GLG1: variants seen among roughly 807,000 people sequenced by gnomAD.
GLG1 encodes golgi glycoprotein 1, also known as Golgi apparatus protein 1.
A neutral mutation model predicts 160.5 loss-of-function variants in GLG1; 38 were observed. The observed-to-expected ratio is 0.24, with a 90% CI of 0.18 to 0.31. GLG1 has a LOEUF of 0.31. Ranked by LOEUF, GLG1 falls within the 10% of genes least tolerant of loss-of-function variation. GLG1 has a pLI of 1.00. For synonymous variants in GLG1, 644 were observed against 543.4 expected, an observed-to-expected ratio of 1.19 and a Z score of -2.57; for missense variants, 1,373 against 1,505.2, an observed-to-expected ratio of 0.91 and a Z score of 1.45.
intron 1 of GLG1, among the ~76,000 whole-genome samples, chr16:74,598,728 A>G (rs1413057696): frequency 6.6e-6 from 1 of 150,484 alleles, no homozygotes; most frequent in Non-Finnish European, 1.5e-5. Context: ...CCTCGTCTCT[A>G]CAAAAATTAG....
intron 3 of GLG1, among the ~76,000 whole-genome samples, chr16:74,505,727 C>T (rs1429482077): frequency 2.6e-5 from 4 of 152,136 alleles, no homozygotes; most frequent in African/African-American, 9.7e-5. Context: ...TGGCGGCGTG[C>T]GCCTGTAGTC....
chr16:74,452,149 G>A lies in GLG1; in HGVS notation c.*1018C>T. On this transcript the variant is annotated 3_prime_UTR_variant, in exon 26 of 26. Coordinates refer to ENST00000422840, the MANE Select transcript of GLG1 (RefSeq NM_001145667.2). Reference sequence around the variant, plus strand: ...ATTGTAGCCTGAAAAATAAAGCAAAGTGAGTCAAACCTCTGGCTCCCACTT... The same window carrying A: ...ATTGTAGCCTGAAAAATAAAGCAAAATGAGTCAAACCTCTGGCTCCCACTT... 1 of 1,613,490 alleles carries A rather than the reference G, an allele frequency of 6.2e-7. No homozygotes were observed. The highest frequency in any genetic ancestry group is 1.1e-5 in the South Asian group (1 of 91,044).
chr16:74,518,251 G>C (rs1406990533), intron 2 of GLG1, among the ~76,000 whole-genome samples: 1 of 151,982 alleles, frequency 6.6e-6, no homozygotes, highest in Non-Finnish European at 1.5e-5. Context: ...AGAAAATCTT[G>C]GGCAAGAAGC....
At chr16:74,555,419 G>A (rs1170117126) in intron 1 of GLG1, among the ~76,000 whole-genome samples, 29 of 152,168 alleles carry the variant, frequency 1.9e-4, no homozygotes, top group Non-Finnish European at 4.0e-4. Context: ...GGGTGCGGTG[G>A]CTCACACCTA....
At chr16:74,545,811 G>A (rs1490961462) in intron 1 of GLG1, among the ~76,000 whole-genome samples, 2 of 152,182 alleles carry the variant, frequency 1.3e-5, no homozygotes, top group Non-Finnish European at 2.9e-5. Context: ...CTTAGGAAAT[G>A]TTTCATGCCT....
intron 1 of GLG1, among the ~76,000 whole-genome samples, chr16:74,534,241 G>A (rs2550796): frequency 0.99 from 151,101 of 151,884 alleles, 75,168 homozygotes; most frequent in Middle Eastern, 1. Context: ...ATGCTGAGTC[G>A]ACCTAGCTTA....
intron 4 of GLG1, among the ~76,000 whole-genome samples, chr16:74,497,347 T>C (rs1316861635): frequency 2.0e-5 from 3 of 150,970 alleles, no homozygotes; most frequent in Non-Finnish European, 4.4e-5. Context: ...GTTCTGGTCA[T>C]AGTTCATGTC....
chr16:74,494,187 A>G (rs967654272), intron 6 of GLG1, among the ~76,000 whole-genome samples: 1 of 151,692 alleles, frequency 6.6e-6, no homozygotes, highest in East Asian at 1.9e-4. Flanking sequence ...AAAAACAAAA[A>G]CAAAACAAAA....
At chr16:74,496,713 TACACACACACACACACAC>T in intron 4 of GLG1, 69 bp from the exon 5 acceptor site, 3 of 616,762 alleles carry the variant, frequency 4.9e-6, no homozygotes, top group East Asian at 2.7e-5. Flanking sequence ...AACATTTGGC[TACACACACACACACACAC>T]ACACACACAC....
intron 1 of GLG1, among the ~76,000 whole-genome samples, chr16:74,601,999 CTCATTA>C (rs927358562): frequency 1.3e-5 from 2 of 152,010 alleles, no homozygotes; most frequent in African/African-American, 4.8e-5. Flanking sequence ...GCACTAGCAC[CTCATTA>C]TCATTATCAT....
intron 7 of GLG1, among the ~76,000 whole-genome samples, chr16:74,491,806 T>C (rs932569211): frequency 1.3e-5 from 2 of 151,566 alleles, no homozygotes; most frequent in African/African-American, 2.4e-5. Flanking sequence ...GCCCGGCTAA[T>C]TTTTTTGTAT....
chr16:74,579,439 T>G (rs1182112009), intron 1 of GLG1, among the ~76,000 whole-genome samples: 1 of 151,712 alleles, frequency 6.6e-6, no homozygotes, highest in Non-Finnish European at 1.5e-5. Flanking sequence ...AAAAAACCCT[T>G]GGCCAGGCGC....
At chr16:74,458,333 T>A (rs1387754897) in intron 23 of GLG1, 1 of 182,536 alleles carries the variant, frequency 5.5e-6, no homozygotes, top group African/African-American at 2.3e-5. Context: ...ATACAATTAC[T>A]GTGTTACTTT....
At chr16:74,498,468 T>TATATATATATATA (rs1491206560) in intron 4 of GLG1, among the ~76,000 whole-genome samples, 561 of 29,662 alleles carry the variant, frequency 0.019, 81 homozygotes, top group Non-Finnish European at 0.031. Flanking sequence ...ATATATATAT[T>TATATATATATATA]ATATTTTATA....
chr16:74,507,532 T>G (rs1030391265), intron 3 of GLG1, among the ~76,000 whole-genome samples: 9 of 152,118 alleles, frequency 5.9e-5, no homozygotes, highest in African/African-American at 2.2e-4. Context: ...AGGTCAGGAT[T>G]TGAGACCAGC....
At chr16:74,468,697 T>C (rs1307628662) in intron 17 of GLG1, 5 of 488,754 alleles carry the variant, frequency 1.0e-5, no homozygotes, top group African/African-American at 9.6e-5. Flanking sequence ...AGTGATTGGA[T>C]CACATGCTTA....
At chr16:74,570,723 C>A (rs1263503114) in intron 1 of GLG1, among the ~76,000 whole-genome samples, 1 of 152,088 alleles carries the variant, frequency 6.6e-6, no homozygotes, top group Non-Finnish European at 1.5e-5. Flanking sequence ...TAGTGGGACC[C>A]TGTCTCTATA....
At chr16:74,591,641 G>C (rs1169698726) in intron 1 of GLG1, among the ~76,000 whole-genome samples, 2 of 151,892 alleles carry the variant, frequency 1.3e-5, no homozygotes, top group African/African-American at 4.8e-5. Context: ...AAAAAAAGAA[G>C]ACTTACAAAC....
At chr16:74,569,226 T>G (rs1335426323) in intron 1 of GLG1, among the ~76,000 whole-genome samples, 1 of 152,222 alleles carries the variant, frequency 6.6e-6, no homozygotes, top group African/African-American at 2.4e-5. Context: ...AACCTCGAAC[T>G]GTGAGAATGA....
Sources: gnomAD v4.1 joint callset for allele counts (sites outside exome capture counted in the v4.1 genomes callset) on GRCh38, gnomAD v4.1.1 for gene constraint, MANE v1.5 for transcripts, NCBI Gene and HGNC (gene_info 2026-07-23, HGNC 2026-07-21) for gene names.